Variants in SH2D4A observed in about 807,000 individuals in gnomAD.
The protein encoded by SH2D4A is SH2 domain containing 4A, also known as SH2 domain-containing protein 4A.
SH2D4A carries 70 observed loss-of-function variants against 64.7 expected under a neutral mutation model. The ratio of observed to expected loss-of-function variants is 1.08; its 90% CI spans 0.89 to 1.32. The LOEUF (loss-of-function observed/expected upper bound fraction) is 1.32, where lower values mean the gene tolerates loss of function less well. Among genes scored for constraint, SH2D4A ranks in the 40% most tolerant of loss-of-function variants. SH2D4A has a pLI of 0.00. For missense variants in SH2D4A, 706 were observed against 540.1 expected (o/e 1.31, Z -3.04); for synonymous variants, 268 against 200.7 (o/e 1.34, Z -2.83).
intron 2 of SH2D4A, among the ~76,000 whole-genome samples, chr8:19,332,557 G>A (rs1032270806): frequency 6.6e-6 from 1 of 151,926 alleles, no homozygotes; most frequent in Non-Finnish European, 1.5e-5. Context: ...AATTAGCTGG[G>A]CATGGTGGCA....
intron 4 of SH2D4A, among the ~76,000 whole-genome samples, chr8:19,352,843 C>G (rs746723633): frequency 6.6e-6 from 1 of 152,002 alleles, no homozygotes; most frequent in Non-Finnish European, 1.5e-5. Flanking sequence ...CTTGTCTCTA[C>G]TAAAATTAAA....
At chr8:19,337,599 T>G (rs1005100917) in intron 4 of SH2D4A, among the ~76,000 whole-genome samples, 1 of 152,116 alleles carries the variant, frequency 6.6e-6, no homozygotes, top group Non-Finnish European at 1.5e-5. Flanking sequence ...TACCCAAGAT[T>G]GGGCAGTTTA....
chr8:19,382,350 C>G (rs574948413), intron 8 of SH2D4A, among the ~76,000 whole-genome samples: 1 of 152,082 alleles, frequency 6.6e-6, no homozygotes, highest in East Asian at 1.9e-4. Context: ...GATAGTCCTC[C>G]ACTTACAATG....
chr8:19,372,689 T>G (rs2053123704), intron 7 of SH2D4A, among the ~76,000 whole-genome samples: 1 of 152,320 alleles, frequency 6.6e-6, no homozygotes, highest in Middle Eastern at 3.4e-3. Context: ...GAAGTCTGTT[T>G]ATTACATTGC....
chr8:19,323,493 T>G (rs2052225211), intron 2 of SH2D4A, among the ~76,000 whole-genome samples: 1 of 151,906 alleles, frequency 6.6e-6, no homozygotes, highest in South Asian at 2.1e-4. Flanking sequence ...CGATTCTCCT[T>G]TCTCAGCCTC....
intron 8 of SH2D4A, among the ~76,000 whole-genome samples, chr8:19,387,793 G>T (rs956857883): frequency 1.3e-5 from 2 of 152,182 alleles, no homozygotes; most frequent in African/African-American, 4.8e-5. Flanking sequence ...CAGATCAGTA[G>T]GGTTGTTCCT....
intron 1 of SH2D4A, among the ~76,000 whole-genome samples, chr8:19,318,462 G>C (rs150356485): frequency 5.3e-5 from 8 of 152,328 alleles, no homozygotes; most frequent in African/African-American, 1.9e-4. Flanking sequence ...TGAAACCTCA[G>C]TAGGATTTCC....
chr8:19,367,922 T>C (rs560762452), intron 7 of SH2D4A, among the ~76,000 whole-genome samples: 34 of 152,184 alleles, frequency 2.2e-4, no homozygotes, highest in African/African-American at 7.9e-4. Context: ...ATGAACAAAT[T>C]AAAAATAAAA....
At chr8:19,358,070 G>GTA (rs976147371) in intron 5 of SH2D4A, among the ~76,000 whole-genome samples, 5 of 152,198 alleles carry the variant, frequency 3.3e-5, no homozygotes, top group East Asian at 3.9e-4. Flanking sequence ...TTGTGGAACT[G>GTA]TAGTCCTGTG....
At chr8:19,363,221 G>T (rs529846630) in intron 6 of SH2D4A, among the ~76,000 whole-genome samples, 4 of 152,002 alleles carry the variant, frequency 2.6e-5, no homozygotes. Flanking sequence ...GATTACAGGC[G>T]CCTGCCACCA....
chr8:19,338,976 A>G (rs1266713397), intron 4 of SH2D4A, among the ~76,000 whole-genome samples: 3 of 152,336 alleles, frequency 2.0e-5, no homozygotes, highest in South Asian at 2.1e-4. Context: ...ACAATAGGCC[A>G]TCTGCAAGCT....
In SH2D4A at chr8:19,364,075, G is replaced by A. The variant is rs917211483; in HGVS notation, c.710G>A (p.Arg237Gln). The change falls in exon 7 of 10, where the codon CGA becomes CAA. Residue 237 changes from arginine (R) to glutamine (Q), a missense_variant. By Grantham distance (43) the Arg-to-Gln change is conservative. Transcript: ENST00000265807. ...TCCGACCCCGTTGTTTTTCCAGTGC[G>A]AAAATCCAAAGCAGCTGATGAGAAG... The part of the protein sequence containing the change: ...KEDSEWQASL[R>Q]KSKAADEKRR... 2.1e-5 allele frequency: 34 copies of A among 1,613,756 alleles called. No individual in the cohort carries two copies. The highest frequency in any genetic ancestry group is 2.8e-5 in the Non-Finnish European group (33 of 1,179,920).
intron 9 of SH2D4A, 49 bp downstream of exon 9, chr8:19,393,590 G>A (rs1369009029): frequency 6.4e-7 from 1 of 1,572,836 alleles, no homozygotes; most frequent in Admixed American, 1.7e-5. Flanking sequence ...CTGTCCTGTA[G>A]CAGCTCTAAC....
At chr8:19,379,890 C>T (rs2053263635) in intron 8 of SH2D4A, among the ~76,000 whole-genome samples, 1 of 152,116 alleles carries the variant, frequency 6.6e-6, no homozygotes, top group East Asian at 1.9e-4. Flanking sequence ...GTTCCAGTAC[C>T]ATGACTGGCT....
chr8:19,340,069 T>C (rs1002242045), intron 4 of SH2D4A, among the ~76,000 whole-genome samples: 3 of 152,132 alleles, frequency 2.0e-5, no homozygotes, highest in Non-Finnish European at 4.4e-5. Flanking sequence ...CTGGGGCAGC[T>C]CCGAGGAGCC....
At chr8:19,357,883 A>G (rs1453985788) in intron 5 of SH2D4A, among the ~76,000 whole-genome samples, 1 of 152,160 alleles carries the variant, frequency 6.6e-6, no homozygotes, top group Non-Finnish European at 1.5e-5. Context: ...ACCTACCGAG[A>G]GTCTGAAACA....
chr8:19,355,179 G>T (rs982072036), intron 4 of SH2D4A, among the ~76,000 whole-genome samples: 86 of 152,142 alleles, frequency 5.7e-4, no homozygotes, highest in African/African-American at 2.0e-3. Context: ...AGGGTTACCT[G>T]CCTCCTAATT....
chr8:19,379,702 T>A (rs1404756357), intron 8 of SH2D4A, among the ~76,000 whole-genome samples: 1 of 152,194 alleles, frequency 6.6e-6, no homozygotes, highest in Non-Finnish European at 1.5e-5. Context: ...TTTCAGCTTC[T>A]CCACATCCTT....
chr8:19,316,910 T>C (rs1468475271), intron 1 of SH2D4A, among the ~76,000 whole-genome samples: 2 of 152,190 alleles, frequency 1.3e-5, no homozygotes, highest in Non-Finnish European at 2.9e-5. Context: ...AGTTAACACA[T>C]GTAGAGTGCT....
Sources: allele counts gnomAD v4.1 joint callset (sites outside exome capture counted in the v4.1 genomes callset), GRCh38; gene constraint gnomAD v4.1.1; transcripts MANE v1.5; gene names NCBI Gene and HGNC (gene_info 2026-07-23, HGNC 2026-07-21).